The following COL21A1 variants were observed in gnomAD, a reference collection of about 807,000 sequenced individuals.
The protein encoded by COL21A1 is collagen alpha-1(XXI) chain.
COL21A1 carries 149 observed loss-of-function variants against 137.9 expected under a neutral mutation model. The observed-to-expected ratio is 1.08, with a 90% CI of 0.95 to 1.24. COL21A1 has a LOEUF of 1.24. Ranked by LOEUF, COL21A1 falls within the 50% of genes most tolerant of loss-of-function variation. The probability of loss-of-function intolerance (pLI) is 0.00; values close to 1 mark genes in which losing one functional copy is unlikely to be tolerated. For synonymous variants in COL21A1, 456 were observed against 391.5 expected (o/e 1.16, Z -1.95); for missense variants, 1,167 against 1,158.4 (o/e 1.01, Z -0.11).
intron 1 of COL21A1, among the ~76,000 whole-genome samples, chr6:56,221,522 A>G (rs929030239): frequency 6.6e-6 from 1 of 152,064 alleles, no homozygotes; most frequent in African/African-American, 2.4e-5. Context: ...TACAAGTTTT[A>G]AAACAGTCTG....
Position 56,125,634 on chromosome 6 carries a change from TATAA to T in COL21A1, c.1597-18_1597-15del. ...ACCCATTTCACCCTAAAAGACAAAATATAAATAGTGAATATTTAAGAAATATGAA... is the reference window on the plus strand; with the variant it reads ...ACCCATTTCACCCTAAAAGACAAAATATAGTGAATATTTAAGAAATATGAA... On this transcript the variant is annotated splice_polypyrimidine_tract_variant and intron_variant, in intron 13 of 29. Coordinates refer to ENST00000244728, the MANE Select transcript of COL21A1 (RefSeq NM_030820.4). 1 of 1,498,432 alleles carries T rather than the reference TATAA, an allele frequency of 6.7e-7. No homozygotes were observed. Among genetic ancestry groups the T allele is most frequent in the East Asian group, 2.3e-5 (1 of 42,896 alleles). 92.8% of individuals were successfully genotyped at this position (1,498,432 alleles called of 1,614,324 possible).
intron 10 of COL21A1, among the ~76,000 whole-genome samples, chr6:56,155,163 T>C (rs1284834357): frequency 1.3e-5 from 2 of 152,218 alleles, no homozygotes; most frequent in Admixed American, 1.3e-4. Flanking sequence ...AGTGAGAAGA[T>C]GCAATATCTC....
At chr6:56,283,267 G>T (rs867323136) in intron 1 of COL21A1, among the ~76,000 whole-genome samples, 18 of 151,680 alleles carry the variant, frequency 1.2e-4, no homozygotes, top group African/African-American at 4.1e-4. Context: ...AGGAACTGTG[G>T]CCAAAAAATT....
intron 24 of COL21A1, among the ~76,000 whole-genome samples, chr6:56,063,240 G>A (rs1765963163): frequency 6.6e-6 from 1 of 152,140 alleles, no homozygotes; most frequent in Non-Finnish European, 1.5e-5. Context: ...TAGAGAAAGT[G>A]TGATCCATAA....
At chr6:56,066,290 A>C (rs542893663) in intron 23 of COL21A1, among the ~76,000 whole-genome samples, 32 of 152,126 alleles carry the variant, frequency 2.1e-4, no homozygotes, top group African/African-American at 7.5e-4. Context: ...AAAACATCTT[A>C]TGTATGTTAT....
At position 56,168,202 on chromosome 6, in the gene COL21A1, G is replaced by A; in HGVS notation, c.1122C>T (p.Pro374=). ...YIDDQQIENK[P]LHPVLGILIN... ...TCAAGATCCCTAAAACTGGATGTAA[G>A]GGCTTGTTTTCAATTTGTTGGTCAT... Residue 374 remains proline (P), a synonymous_variant, in exon 6 of 30, where the codon CCC becomes CCT. Transcript: ENST00000244728. 6.4e-7 allele frequency: 1 copy of A among 1,565,470 alleles called. No homozygotes were observed. The highest frequency in any genetic ancestry group is 1.3e-5 in the African/African-American group (1 of 74,368).
intron 9 of COL21A1, among the ~76,000 whole-genome samples, chr6:56,162,681 G>A (rs1055210215): frequency 6.6e-6 from 1 of 152,118 alleles, no homozygotes; most frequent in Non-Finnish European, 1.5e-5. Context: ...GACAGCATGG[G>A]TCTCTAATTT....
intron 1 of COL21A1, among the ~76,000 whole-genome samples, chr6:56,198,270 G>T (rs535960102): frequency 6.6e-6 from 1 of 152,010 alleles, no homozygotes; most frequent in East Asian, 1.9e-4. Flanking sequence ...GATATATGAT[G>T]AATACATTCT....
chr6:56,293,497 C>CA (rs1764101006), intron 1 of COL21A1, among the ~76,000 whole-genome samples: 1 of 152,066 alleles, frequency 6.6e-6, no homozygotes, highest in Non-Finnish European at 1.5e-5. Context: ...TCACTATAAT[C>CA]ATATTTACTA....
chr6:56,123,741 A>G (rs2152210420), intron 16 of COL21A1, among the ~76,000 whole-genome samples: 2 of 152,336 alleles, frequency 1.3e-5, no homozygotes, highest in South Asian at 4.1e-4. Context: ...ACAGTTTCCC[A>G]GCCCACTGAA....
chr6:56,374,148 C>T (rs963246725), intron 1 of COL21A1, among the ~76,000 whole-genome samples: 1 of 152,162 alleles, frequency 6.6e-6, no homozygotes, highest in African/African-American at 2.4e-5. Context: ...TTCTTTTTGG[C>T]ACGACTTGTA....
intron 1 of COL21A1, among the ~76,000 whole-genome samples, chr6:56,257,350 G>A (rs1763124267): frequency 6.6e-6 from 1 of 152,046 alleles, no homozygotes; most frequent in South Asian, 2.1e-4. Flanking sequence ...AAAAAATTTG[G>A]CATTATGCAG....
intron 1 of COL21A1, among the ~76,000 whole-genome samples, chr6:56,375,792 C>T (rs2093998170): frequency 6.6e-6 from 1 of 151,862 alleles, no homozygotes; most frequent in African/African-American, 2.4e-5. Context: ...GGGGAGAGCT[C>T]ATGGGGAAAT....
intron 9 of COL21A1, among the ~76,000 whole-genome samples, chr6:56,159,358 A>C (rs1408306978): frequency 7.6e-6 from 1 of 130,832 alleles, no homozygotes; most frequent in Admixed American, 8.2e-5. Flanking sequence ...TTTGAGACGG[A>C]GTCTTGCTCC....
intron 1 of COL21A1, among the ~76,000 whole-genome samples, chr6:56,301,293 A>T (rs1462488639): frequency 2.0e-5 from 3 of 152,168 alleles, no homozygotes; most frequent in Non-Finnish European, 4.4e-5. Flanking sequence ...TTAGAAAGAA[A>T]TTTGAAGATG....
At chr6:56,283,568 T>C (rs147659025) in intron 1 of COL21A1, among the ~76,000 whole-genome samples, 5 of 152,302 alleles carry the variant, frequency 3.3e-5, no homozygotes, top group Admixed American at 6.5e-5. Context: ...ATGTACTGTT[T>C]TTTAAAGGAA....
chr6:56,124,024 TC>T, intron 16 of COL21A1, 37 bp downstream of exon 16: 1 of 1,443,898 alleles, frequency 6.9e-7, no homozygotes, highest in Non-Finnish European at 9.2e-7. Flanking sequence ...GATACAAAAA[TC>T]TTTTTGTTTT....
At chr6:56,087,076 GTTTT>G (rs1768329053) in intron 17 of COL21A1, among the ~76,000 whole-genome samples, 2 of 105,028 alleles carry the variant, frequency 1.9e-5, no homozygotes, top group South Asian at 2.9e-4. Flanking sequence ...GTTTTGTTTT[GTTTT>G]GTTTTGTTTT....
intron 1 of COL21A1, among the ~76,000 whole-genome samples, chr6:56,224,305 G>T (rs534759768): frequency 8.6e-5 from 13 of 152,016 alleles, no homozygotes; most frequent in African/African-American, 2.9e-4. Flanking sequence ...TTGCAAGTAG[G>T]GTAAAATCTC....
Sources: allele counts gnomAD v4.1 joint callset (sites outside exome capture counted in the v4.1 genomes callset), GRCh38; gene constraint gnomAD v4.1.1; transcripts MANE v1.5; gene names NCBI Gene and HGNC (gene_info 2026-07-23, HGNC 2026-07-21).